Variants in ENTPD2 observed in about 807,000 individuals in gnomAD.
The protein encoded by ENTPD2 is CD39 antigen-like 1.
ENTPD2 carries 48 observed loss-of-function variants against 46.8 expected under a neutral mutation model. The observed-to-expected ratio is 1.03, with a 90% CI of 0.81 to 1.30. The LOEUF (loss-of-function observed/expected upper bound fraction) is 1.30, where lower values mean the gene tolerates loss of function less well. ENTPD2 is among the 50% of genes most tolerant of loss of function. ENTPD2 has a pLI of 0.00. For synonymous variants in ENTPD2, 316 were observed against 286.1 expected, an observed-to-expected ratio of 1.10 and a Z score of -1.06; for missense variants, 707 against 651.1, an observed-to-expected ratio of 1.09 and a Z score of -0.93.
chr9:137,049,222 A>C lies in ENTPD2; in HGVS notation c.1150-147T>G, dbSNP rs117388172. 603 of 1,347,198 alleles carry C rather than the reference A, an allele frequency of 4.5e-4. 7 individuals are homozygous for C. In the East Asian group the frequency reaches 0.012, roughly 27 times the overall value. The allele number at this position is 1,347,198 out of a possible 1,614,324, so 83.5% of individuals were successfully genotyped here. On this transcript the variant is annotated intron_variant, in intron 7 of 8. Coordinates refer to ENST00000355097, the MANE Select transcript of ENTPD2 (RefSeq NM_203468.3). ...AGACCACCACACAGGCCCGGACACG[A>C]ATGGCAAGACCGAGTCCGAGGGGCA...
Position 137,048,980 on chromosome 9 carries a change from G to C in ENTPD2, c.1245C>G (p.Phe415Leu). The change falls in exon 8 of 9, where the codon TTC becomes TTG. Residue 415 changes from phenylalanine to leucine, a missense_variant. Transcript: ENST00000355097. ...TCACGCCGCCGAAGGCGCGCTCGTC[G>C]AAGCCGTAGCCGCGACTCAGCAGCT... The part of the protein sequence containing the change: ...VQQLLSRGYG[F>L]DERAFGGVIF... The C allele has an allele frequency of 1.1e-5, 17 of 1,535,302 alleles. No individual in the cohort carries two copies. The highest frequency in any genetic ancestry group is 1.5e-5 in the Non-Finnish European group (17 of 1,144,062).
rs1275878171 is a variant in ENTPD2 at position 137,051,283 on chromosome 9, G to A, written c.474C>T (p.Arg158=). ...CCCCCTCTTCCTGGCCCGAGAGGAT[G>A]CGTGCACCCCGGAAGTCAAAGGGGT... ...TQYPFDFRGA[R]ILSGQEEGVF... is the part of the protein sequence containing the mutation. Residue 158 remains arginine, a synonymous_variant, in exon 4 of 9, where the codon CGC becomes CGT. Coordinates refer to ENST00000355097, the MANE Select transcript of ENTPD2 (RefSeq NM_203468.3). 6 of 1,611,858 alleles carry A rather than the reference G, an allele frequency of 3.7e-6. No homozygotes were observed. The highest frequency in any genetic ancestry group is 5.1e-6 in the Non-Finnish European group (6 of 1,179,194).
At chr9:137,053,287 T>A (rs563024217) in intron 1 of ENTPD2, 1 of 152,348 alleles carries the variant, frequency 6.6e-6, no homozygotes, top group East Asian at 1.9e-4. Context: ...GACCAGGAGG[T>A]CCCTGGGCCT....
chr9:137,049,355 C>G (rs1237123688), intron 7 of ENTPD2: 1 of 665,522 alleles, frequency 1.5e-6, no homozygotes, highest in Non-Finnish European at 2.7e-6. Flanking sequence ...GCAGCAACAC[C>G]TTGGTGTGTG....
chr9:137,053,972 A>G lies in ENTPD2; in HGVS notation c.26T>C (p.Leu9Pro). 2.5e-6 allele frequency: 3 copies of G among 1,208,144 alleles called. No individual in the cohort carries two copies. Among genetic ancestry groups the G allele is most frequent in the Non-Finnish European group, 3.1e-6 (3 of 969,342 alleles). The allele number at this position is 1,208,144 out of a possible 1,614,324, so 74.8% of individuals were successfully genotyped here. MAGKVRSL[L>P]PPLLLAAAGL... ...CGCGGCGGCCAGCAGCAGCGGCGGC[A>G]GCAGTGACCGCACCTTCCCGGCCAT... Residue 9 changes from leucine (L) to proline (P), a missense_variant, in exon 1 of 9, where the codon CTG becomes CCG. Physicochemically the swap from Leu to Pro is moderately conservative, Grantham distance 98. Transcript: ENST00000355097.
At chr9:137,050,642 CAG>C (rs1832265821) in intron 5 of ENTPD2, 104 bp from the exon 6 acceptor site, 1 of 1,482,906 alleles carries the variant, frequency 6.7e-7, no homozygotes, top group African/African-American at 1.4e-5. Context: ...CTTTTGTGCT[CAG>C]GGGCAATCCA....
chr9:137,051,124 G>C lies in ENTPD2; in HGVS notation c.552C>G (p.Gly184=), dbSNP rs763674017. The stretch of plus-strand genomic sequence containing the variant: ...GTGGCCGGAACCACCGGCCCACCCA[G>C]CCGTACTGTGGAGAGGGGAGTGTGG... ...NYLLENFIKY[G]WVGRWFRPRK... The change falls in exon 5 of 9, where the codon GGC becomes GGG. Residue 184 remains glycine (G), a synonymous_variant. Coordinates refer to ENST00000355097, the MANE Select transcript of ENTPD2 (RefSeq NM_203468.3). 1.2e-6 allele frequency: 2 copies of C among 1,612,844 alleles called. No homozygotes were observed. Among genetic ancestry groups the C allele is most frequent in the South Asian group, 1.1e-5 (1 of 91,082 alleles).
intron 1 of ENTPD2, 105 bp downstream of exon 1, chr9:137,053,775 TG>T (rs1470123680): frequency 5.5e-6 from 4 of 722,068 alleles, no homozygotes; most frequent in Non-Finnish European, 7.6e-6. Flanking sequence ...CAGAGCACGG[TG>T]GGGGTCCCGG....
At position 137,051,623 on chromosome 9, in the gene ENTPD2, C is replaced by G; in HGVS notation, c.273G>C (p.Gly91=). ...GISSYADNPS[G]ASQSLVGCLE... ...GGCATCCAACAAGACTCTGGCTGGCCCCAGAAGGGTTGTCTGCATAGCTGG... is the reference window on the plus strand; with the variant it reads ...GGCATCCAACAAGACTCTGGCTGGCGCCAGAAGGGTTGTCTGCATAGCTGG... The change falls in exon 3 of 9, where the codon GGG becomes GGC. Residue 91 remains glycine (G), a synonymous_variant. Transcript: ENST00000355097. 1 of 1,612,588 alleles carries G rather than the reference C, an allele frequency of 6.2e-7. No individual in the cohort carries two copies. Among genetic ancestry groups the G allele is most frequent in the Non-Finnish European group, 8.5e-7 (1 of 1,179,848 alleles).
Position 137,051,412 on chromosome 9 carries a change from G to A in ENTPD2, c.387-42C>T, listed in dbSNP as rs754031873. On this transcript the variant is annotated intron_variant, in intron 3 of 8. Coordinates refer to ENST00000355097, the MANE Select transcript of ENTPD2 (RefSeq NM_203468.3). ...ACTCCAAGAGGCCTTCTCCCCAGGTGGCTGTGAGCCTGCTGTAGGGGTGCT... is the reference window on the plus strand; with the variant it reads ...ACTCCAAGAGGCCTTCTCCCCAGGTAGCTGTGAGCCTGCTGTAGGGGTGCT... 10 of 1,538,452 alleles carry A rather than the reference G, an allele frequency of 6.5e-6. No homozygotes were observed. In the Admixed American group the frequency reaches 2.0e-4, roughly 30 times the overall value.
chr9:137,051,241 A>C lies in ENTPD2; in HGVS notation c.516T>G (p.Thr172=). ...TGAAGTTCTCCAGCAGGTAGTTGGC[A>C]GTCACCCAGCCAAACACCCCCTCTT... is the stretch of plus-strand genomic sequence containing the variant. ...GQEEGVFGWV[T]ANYLLENFIK... is the part of the protein sequence containing the mutation. Residue 172 remains threonine, a synonymous_variant, in exon 4 of 9, where the codon ACT becomes ACG. Coordinates refer to ENST00000355097, the MANE Select transcript of ENTPD2 (RefSeq NM_203468.3). The C allele has an allele frequency of 6.2e-7, 1 of 1,612,812 alleles. No individual in the cohort carries two copies. Among genetic ancestry groups the C allele is most frequent in the Non-Finnish European group, 8.5e-7 (1 of 1,179,842 alleles).
rs1263919211 is a variant in ENTPD2, at chr9:137,050,468, G to A, written c.845C>T (p.Ser282Leu). 1 of 1,612,752 alleles carries A rather than the reference G, an allele frequency of 6.2e-7. No homozygotes were observed. Among genetic ancestry groups the A allele is most frequent in the Non-Finnish European group, 8.5e-7 (1 of 1,180,024 alleles). The part of the protein sequence containing the change: ...TQVLLGDVYQ[S>L]PCTMAQRPQN... ...GGGCCGCTGGGCCATGGTGCATGGTGACTGGTACACATCCCCGAGCAGCAC... is the reference window on the plus strand; with the variant it reads ...GGGCCGCTGGGCCATGGTGCATGGTAACTGGTACACATCCCCGAGCAGCAC... Residue 282 changes from serine to leucine, a missense_variant, in exon 6 of 9, where the codon TCA becomes TTA. Transcript: ENST00000355097.
At position 137,050,507 on chromosome 9, in the gene ENTPD2, C is replaced by T. The variant is rs767496302; in HGVS notation, c.806G>A (p.Gly269Asp). The change falls in exon 6 of 9, where the codon GGC becomes GAC. Residue 269 changes from glycine to aspartate, a missense_variant. Coordinates refer to ENST00000355097, the MANE Select transcript of ENTPD2 (RefSeq NM_203468.3). ...THGFHPCWPR[G>D]FSTQVLLGDV... ...CCCGAGCAGCACTTGGGTGGAAAAG[C>T]CCCTCGGCCAGCAGGGGTGGAAGCC... The T allele has an allele frequency of 3.7e-6, 6 of 1,612,598 alleles. No homozygotes were observed. Among genetic ancestry groups the T allele is most frequent in the Admixed American group, 1.7e-5 (1 of 59,994 alleles).
rs1832297820 is a variant in ENTPD2 at position 137,051,543 on chromosome 9, T to C, written c.353A>G (p.Tyr118Cys). ...GCGCATACCCGCTGTGGCTCCCAGG[T>C]AGAGGGGTGTGCCCGCGTGTCTCTC... is the stretch of plus-strand genomic sequence containing the variant. ...PKERHAGTPLYLGATAGMRLL... is the reference protein window; with the variant it reads ...PKERHAGTPLCLGATAGMRLL... The change falls in exon 3 of 9, where the codon TAC becomes TGC. Residue 118 changes from tyrosine (Y) to cysteine (C), a missense_variant. Coordinates refer to ENST00000355097, the MANE Select transcript of ENTPD2 (RefSeq NM_203468.3). 6.2e-7 allele frequency: 1 copy of C among 1,610,434 alleles called. No individual in the cohort carries two copies. The highest frequency in any genetic ancestry group is 8.5e-7 in the Non-Finnish European group (1 of 1,178,742).
Position 137,048,956 on chromosome 9 carries a change from C to G in ENTPD2, c.1269G>C (p.Val423=), listed in dbSNP as rs1832198822. 6.7e-7 allele frequency: 1 copy of G among 1,492,168 alleles called. No homozygotes were observed. Among genetic ancestry groups the G allele is most frequent in the South Asian group, 1.2e-5 (1 of 82,626 alleles). The allele number at this position is 1,492,168 out of a possible 1,614,324, so 92.4% of individuals were successfully genotyped here. ...CCCAGCCCACCTTCTTCTGGAAGAT[C>G]ACGCCGCCGAAGGCGCGCTCGTCGA... The part of the protein sequence containing the change: ...YGFDERAFGG[V]IFQKKAADTA... Residue 423 remains valine, a synonymous_variant, in exon 8 of 9, where the codon GTG becomes GTC. Transcript: ENST00000355097.
At chr9:137,052,449 C>CT (rs943448118) in intron 1 of ENTPD2, 101 bp from the exon 2 acceptor site, 3 of 884,684 alleles carry the variant, frequency 3.4e-6, no homozygotes, top group Non-Finnish European at 3.4e-6. Flanking sequence ...ACCGCTCCCC[C>CT]CCCCACCCAG....
At chr9:137,052,410 A>G (rs1410164827) in intron 1 of ENTPD2, 62 bp from the exon 2 acceptor site, 3 of 1,354,100 alleles carry the variant, frequency 2.2e-6, no homozygotes, top group Admixed American at 1.8e-5. Context: ...CCTGACACCA[A>G]ACGTGAAGTT....
At chr9:137,048,895 GC>G (rs1417257056) in intron 8 of ENTPD2, 35 bp from the exon 9 acceptor site, 8 of 1,482,540 alleles carry the variant, frequency 5.4e-6, no homozygotes, top group South Asian at 1.3e-5. Flanking sequence ...CTCCCGAGAG[GC>G]CCCGCCCCGC....
At chr9:137,052,192 A>G in intron 2 of ENTPD2, 39 bp downstream of exon 2, 1 of 1,580,670 alleles carries the variant, frequency 6.3e-7, no homozygotes. Context: ...GAGACCCTGC[A>G]GTGAGTGGGC....
Sources: allele counts gnomAD v4.1 joint callset, GRCh38; gene constraint gnomAD v4.1.1; transcripts MANE v1.5; gene names NCBI Gene and HGNC (gene_info 2026-07-23, HGNC 2026-07-21).